Variants in AKAP13 observed in about 807,000 individuals in gnomAD.
AKAP13 encodes the protein A-kinase anchoring protein 13, also known as A-kinase anchor protein 13.
A neutral mutation model predicts 264.5 loss-of-function variants in AKAP13; 80 were observed. That is an observed-to-expected ratio of 0.30 (90% CI 0.25 to 0.36). AKAP13 has a LOEUF of 0.36. AKAP13 is among the 10% of genes least tolerant of loss of function. AKAP13 has a pLI of 1.00. For synonymous variants in AKAP13, 1,380 were observed against 1,250.2 expected (o/e 1.10, Z -2.19); for missense variants, 3,712 against 3,435.2 (o/e 1.08, Z -2.01).
intron 2 of AKAP13, among the ~76,000 whole-genome samples, chr15:85,504,643 G>T (rs1252841218): frequency 6.7e-6 from 1 of 148,504 alleles, no homozygotes; most frequent in Admixed American, 6.7e-5. Context: ...AGTGAGCCAT[G>T]GTCGCACCAC....
chr15:85,643,132 A>C (rs1216625802), intron 9 of AKAP13, among the ~76,000 whole-genome samples: 3 of 151,724 alleles, frequency 2.0e-5, no homozygotes, highest in Admixed American at 2.0e-4. Context: ...AAACAGACTA[A>C]GGTGATTTTT....
intron 4 of AKAP13, chr15:85,534,906 C>G (rs1356821691): frequency 6.6e-6 from 1 of 152,246 alleles, no homozygotes; most frequent in Admixed American, 6.5e-5. Context: ...CATCCAGTTT[C>G]CCTTCTGAGT....
At chr15:85,442,511 A>T (rs1276516059) in intron 1 of AKAP13, among the ~76,000 whole-genome samples, 85 of 112,098 alleles carry the variant, frequency 7.6e-4, no homozygotes, top group African/African-American at 2.6e-3. Context: ...TATTATATAT[A>T]ATATATATTA....
chr15:85,665,609 G>T (rs984891305), intron 13 of AKAP13, among the ~76,000 whole-genome samples: 1 of 152,190 alleles, frequency 6.6e-6, no homozygotes, highest in South Asian at 2.1e-4. Context: ...TACATGTGCC[G>T]TGTTGGTTTG....
intron 16 of AKAP13, among the ~76,000 whole-genome samples, chr15:85,686,680 C>A (rs2084951450): frequency 1.3e-5 from 2 of 151,876 alleles, no homozygotes. Context: ...GGCAGCCAGG[C>A]TTAAAATAGA....
chr15:85,549,142 T>C (rs2077862305), intron 5 of AKAP13, among the ~76,000 whole-genome samples: 1 of 152,164 alleles, frequency 6.6e-6, no homozygotes, highest in African/African-American at 2.4e-5. Flanking sequence ...CCCTACTTGA[T>C]GTAGGACTTG....
rs187422272 is a variant in AKAP13, at chr15:85,421,373, C to G, written c.-12+40575C>G. Among the ~76,000 whole-genome samples the G allele has an allele frequency of 1.9e-3, 297 of 152,338 alleles. 7 individuals are homozygous for G. Among genetic ancestry groups the G allele is most frequent in the Middle Eastern group, 0.017 (5 of 294 alleles). ...TTCCTAACTGAATAATTCTCCCTCT[C>G]TGGTTATTTGCTGTATTGAGAAAGT... On this transcript the variant is annotated intron_variant, in intron 1 of 36. Transcript: ENST00000394518.
chr15:85,605,681 G>C (rs2080292691), intron 8 of AKAP13, among the ~76,000 whole-genome samples: 1 of 152,120 alleles, frequency 6.6e-6, no homozygotes, highest in African/African-American at 2.4e-5. Context: ...ATAAATAATT[G>C]TGAACAAATA....
intron 30 of AKAP13, among the ~76,000 whole-genome samples, chr15:85,731,389 G>A (rs1226328446): frequency 6.6e-6 from 1 of 151,940 alleles, no homozygotes; most frequent in Non-Finnish European, 1.5e-5. Context: ...TTTTTGATAT[G>A]CATCTTAAAA....
chr15:85,717,431 T>C (rs781066664), intron 21 of AKAP13, 29 bp downstream of exon 21: 2 of 1,504,286 alleles, frequency 1.3e-6, no homozygotes, highest in East Asian at 2.3e-5. Context: ...CTTTATTTTA[T>C]GCCTCTGTAG....
rs1385022116 is a variant in AKAP13, at chr15:85,415,261, G to A, written c.-12+34463G>A. ...GTTCAGCAGCTGGAAGGAAGATGGC[G>A]CCTGGTGGACAGCAGAGGCTTTGAT... is the stretch of plus-strand genomic sequence containing the variant. On this transcript the variant is annotated intron_variant, in intron 1 of 36. Coordinates refer to ENST00000394518, the MANE Select transcript of AKAP13 (RefSeq NM_007200.5). 27 of 1,574,708 alleles carry A rather than the reference G, an allele frequency of 1.7e-5. No individual in the cohort carries two copies. In the East Asian group the frequency reaches 2.5e-4, roughly 15 times the overall value.
intron 5 of AKAP13, among the ~76,000 whole-genome samples, chr15:85,545,672 G>C (rs2077710361): frequency 6.6e-6 from 1 of 152,092 alleles, no homozygotes; most frequent in Admixed American, 6.5e-5. Flanking sequence ...CTTAGAAAAA[G>C]TTCTGAGTCA....
Position 85,579,568 on chromosome 15 carries a change from A to C in AKAP13, c.1500A>C (p.Gly500=). 1 of 1,614,158 alleles carries C rather than the reference A, an allele frequency of 6.2e-7. No homozygotes were observed. The highest frequency in any genetic ancestry group is 1.1e-5 in the South Asian group (1 of 91,092). ...DATVWKNVLQ[G]GESTKERFEN... is the part of the protein sequence containing the mutation. ...CTGTTTGGAAGAATGTGCTTCAGGG[A>C]GGGGAAAGTACAAAGGAAAGATTTG... Residue 500 remains glycine (G), a synonymous_variant, in exon 7 of 37, where the codon GGA becomes GGC. Coordinates refer to ENST00000394518, the MANE Select transcript of AKAP13 (RefSeq NM_007200.5).
intron 1 of AKAP13, among the ~76,000 whole-genome samples, chr15:85,439,746 C>A (rs1021444076): frequency 7.0e-6 from 1 of 142,292 alleles, no homozygotes; most frequent in African/African-American, 2.6e-5. Context: ...CGCATATTCT[C>A]ACTCATAGGT....
intron 14 of AKAP13, among the ~76,000 whole-genome samples, chr15:85,674,497 T>C (rs1019031956): frequency 2.6e-5 from 4 of 152,236 alleles, no homozygotes; most frequent in African/African-American, 7.2e-5. Flanking sequence ...ACTCTGTGTG[T>C]ATCACAAAGA....
chr15:85,512,124 T>C (rs1448971963), intron 2 of AKAP13, among the ~76,000 whole-genome samples: 3 of 152,104 alleles, frequency 2.0e-5, no homozygotes, highest in Non-Finnish European at 4.4e-5. Flanking sequence ...CATAAGCTCA[T>C]CTCTGCCATC....
At chr15:85,680,141 A>G (rs760953058) in intron 14 of AKAP13, among the ~76,000 whole-genome samples, 1 of 152,088 alleles carries the variant, frequency 6.6e-6, no homozygotes, top group Non-Finnish European at 1.5e-5. Context: ...TGCATTATGA[A>G]TTTTATTTTT....
intron 17 of AKAP13, among the ~76,000 whole-genome samples, chr15:85,703,853 A>ATAT (rs11368557): frequency 6.5e-4 from 93 of 142,538 alleles, no homozygotes; most frequent in South Asian, 3.6e-3. Context: ...AAAAAAAAAA[A>ATAT]ATATATATAT....
chr15:85,663,041 G>A (rs2083431572), intron 12 of AKAP13, among the ~76,000 whole-genome samples: 1 of 152,158 alleles, frequency 6.6e-6, no homozygotes, highest in Non-Finnish European at 1.5e-5. Flanking sequence ...CAGGCATGGT[G>A]GCTCACACCT....
Sources: gnomAD v4.1 joint callset for allele counts (sites outside exome capture counted in the v4.1 genomes callset) on GRCh38, gnomAD v4.1.1 for gene constraint, MANE v1.5 for transcripts, NCBI Gene and HGNC (gene_info 2026-07-23, HGNC 2026-07-21) for gene names.